NDST4: variants seen among roughly 807,000 people sequenced by gnomAD.
NDST4 encodes the protein N-heparan sulfate sulfotransferase 4.
In NDST4, 63 loss-of-function variants were observed where a neutral mutation model predicts 100.8. The observed-to-expected ratio is 0.62, with a 90% confidence interval of 0.51 to 0.77. The LOEUF (loss-of-function observed/expected upper bound fraction) is 0.77, where lower values mean the gene tolerates loss of function less well. NDST4 is among the 30% of genes least tolerant of loss of function. The pLI is 0.00. For missense variants in NDST4, 943 were observed against 1,018.4 expected (o/e 0.93, Z 1.01); for synonymous variants, 377 against 361.8 (o/e 1.04, Z -0.48).
intron 1 of NDST4, among the ~76,000 whole-genome samples, chr4:115,092,189 C>T (rs1384624611): frequency 1.3e-5 from 2 of 152,070 alleles, no homozygotes; most frequent in African/African-American, 2.4e-5. Context: ...GCTATTGGTG[C>T]CCTTAAACTA....
At chr4:114,934,560 A>T (rs1025273514) in intron 6 of NDST4, among the ~76,000 whole-genome samples, 7 of 150,584 alleles carry the variant, frequency 4.6e-5, no homozygotes, top group Non-Finnish European at 7.4e-5. Context: ...TCTCAAAAAA[A>T]AAAAAATAAA....
chr4:115,088,284 T>G (rs1274796103), intron 1 of NDST4, among the ~76,000 whole-genome samples: 1 of 151,438 alleles, frequency 6.6e-6, no homozygotes, highest in African/African-American at 2.4e-5. Flanking sequence ...ATCTGCCTCC[T>G]GATTCCATAG....
chr4:114,930,453 G>T lies in NDST4; in HGVS notation c.1536+4753C>A, dbSNP rs147878356. Among the ~76,000 whole-genome samples, 646 of 152,150 alleles carry T rather than the reference G, an allele frequency of 4.2e-3. 7 individuals are homozygous for T. Among genetic ancestry groups the T allele is most frequent in the Middle Eastern group, 0.027 (8 of 294 alleles). On this transcript the variant is annotated intron_variant, in intron 6 of 13. Transcript: ENST00000264363. ...CAGTTTAATCTGACAAAGCATTTTT[G>T]CCCTCACTTTCTTATCTTCCAGTCA...
intron 4 of NDST4, among the ~76,000 whole-genome samples, chr4:114,946,381 T>A (rs1725863555): frequency 6.6e-6 from 1 of 152,008 alleles, no homozygotes. Context: ...GTGTAATATA[T>A]TAGAAGGTGA....
At chr4:115,108,143 TTAGAG>T (rs1259688575) in intron 1 of NDST4, among the ~76,000 whole-genome samples, 1 of 152,118 alleles carries the variant, frequency 6.6e-6, no homozygotes, top group Non-Finnish European at 1.5e-5. Flanking sequence ...CACTTGCACT[TTAGAG>T]TAATGAATAG....
intron 4 of NDST4, among the ~76,000 whole-genome samples, chr4:114,968,602 G>A (rs2126239973): frequency 6.6e-6 from 1 of 152,166 alleles, no homozygotes; most frequent in East Asian, 1.9e-4. Context: ...GCAGCTGCAG[G>A]CAATTCGTAA....
intron 10 of NDST4, among the ~76,000 whole-genome samples, chr4:114,845,557 T>C (rs748561030): frequency 1.3e-5 from 2 of 152,228 alleles, no homozygotes; most frequent in Non-Finnish European, 2.9e-5. Context: ...ATCAACATTC[T>C]ACATGTTTAT....
At position 114,977,198 on chromosome 4, in the gene NDST4, A is replaced by G. The variant is rs1463142928; in HGVS notation, c.1055T>C (p.Phe352Ser). The change falls in exon 3 of 14, where the codon TTT (phenylalanine) becomes TCT (serine). Residue 352 changes from phenylalanine to serine, a missense_variant. Transcript: ENST00000264363. ...FTFNLGFSGKFYHTGTEEEDE... is the reference protein window; with the variant it reads ...FTFNLGFSGKSYHTGTEEEDE... ...AAGCTCCTTCTTACCTGTGTGGTAA[A>G]ACTTCCCTGAAAATCCAAGGTTGAA... 4 of 1,606,714 alleles carry G rather than the reference A, an allele frequency of 2.5e-6. 1 individual carries two copies. The South Asian group carries it at 4.4e-5, about 18-fold the overall frequency.
At chr4:115,110,598 T>C (rs1016369869) in intron 1 of NDST4, among the ~76,000 whole-genome samples, 1 of 151,978 alleles carries the variant, frequency 6.6e-6, no homozygotes, top group East Asian at 1.9e-4. Flanking sequence ...TTGGCATGTA[T>C]CCATATGTGT....
Position 115,055,867 on chromosome 4 carries a change from T to C in NDST4, c.978+20192A>G, listed in dbSNP as rs138179692. Among the ~76,000 whole-genome samples the C allele has an allele frequency of 1.4e-3, 208 of 152,200 alleles. 2 individuals carry two copies. The highest frequency in any genetic ancestry group is 4.8e-3 in the African/African-American group (198 of 41,548). Reference sequence around the variant, plus strand: ...AATCTCTGTGCAGCAGATAATCCCATATTCATTGTTCATGTTACTCACAGT... The same window carrying C: ...AATCTCTGTGCAGCAGATAATCCCACATTCATTGTTCATGTTACTCACAGT... On this transcript the variant is annotated intron_variant, in intron 2 of 13. Transcript: ENST00000264363.
At chr4:115,060,596 G>A (rs909899553) in intron 2 of NDST4, among the ~76,000 whole-genome samples, 3 of 151,894 alleles carry the variant, frequency 2.0e-5, no homozygotes, top group African/African-American at 7.3e-5. Context: ...TGTCATGAAT[G>A]CAAGGAGTAA....
chr4:114,928,762 G>A (rs1306404668), intron 6 of NDST4, among the ~76,000 whole-genome samples: 1 of 152,080 alleles, frequency 6.6e-6, no homozygotes, highest in Non-Finnish European at 1.5e-5. Flanking sequence ...AAACAAAAAA[G>A]CTAAGTAAAA....
At chr4:114,948,631 A>C (rs12648274) in intron 4 of NDST4, among the ~76,000 whole-genome samples, 19,642 of 152,048 alleles carry the variant, frequency 0.13, 1,753 homozygotes, top group East Asian at 0.43. Context: ...TCATCAATAC[A>C]GTTCTCATCC....
intron 2 of NDST4, among the ~76,000 whole-genome samples, chr4:115,071,709 T>C (rs939856618): frequency 6.6e-6 from 1 of 151,916 alleles, no homozygotes; most frequent in Admixed American, 6.6e-5. Flanking sequence ...AAATTCTCCT[T>C]GTGCACTAGT....
In NDST4 at chr4:115,076,050, T is replaced by A; in HGVS notation, c.978+9A>T. The A allele has an allele frequency of 6.3e-7, 1 of 1,592,246 alleles. No individual in the cohort carries two copies. The highest frequency in any genetic ancestry group is 2.2e-5 in the East Asian group (1 of 44,544). On this transcript the variant is annotated intron_variant, in intron 2 of 13. Coordinates refer to ENST00000264363, the MANE Select transcript of NDST4 (RefSeq NM_022569.3). ...TACAAATTTCGATGTTGTCTATAAA[T>A]AAGCTTACCTTCACATCTTTGACAT...
intron 1 of NDST4, among the ~76,000 whole-genome samples, chr4:115,099,989 ATG>A (rs1729697868): frequency 1.3e-5 from 2 of 152,154 alleles, no homozygotes; most frequent in African/African-American, 4.8e-5. Context: ...CTAAAAATAA[ATG>A]ATCTATCAAG....
intron 6 of NDST4, among the ~76,000 whole-genome samples, chr4:114,893,737 T>C (rs1724650714): frequency 6.6e-6 from 1 of 152,208 alleles, no homozygotes; most frequent in Non-Finnish European, 1.5e-5. Flanking sequence ...AGAAGCTCTT[T>C]AGTTTAATTA....
intron 2 of NDST4, among the ~76,000 whole-genome samples, chr4:115,068,400 C>T (rs1033733397): frequency 6.6e-6 from 1 of 152,084 alleles, no homozygotes; most frequent in South Asian, 2.1e-4. Flanking sequence ...GCTTTGGACT[C>T]CAAGTTTATA....
At chr4:114,902,765 C>CT (rs1724872038) in intron 6 of NDST4, among the ~76,000 whole-genome samples, 4 of 151,982 alleles carry the variant, frequency 2.6e-5, no homozygotes, top group Admixed American at 2.6e-4. Context: ...TTTTCAGTCT[C>CT]TTTTTTTCTT....
Sources: gnomAD v4.1 joint callset for allele counts (sites outside exome capture counted in the v4.1 genomes callset) on GRCh38, gnomAD v4.1.1 for gene constraint, MANE v1.5 for transcripts, NCBI Gene and HGNC (gene_info 2026-07-23, HGNC 2026-07-21) for gene names.